Variants in CADM2 observed in about 807,000 individuals in gnomAD.
The protein encoded by CADM2 is cell adhesion molecule 2.
In CADM2, 12 loss-of-function variants were observed where a neutral mutation model predicts 49.8. The observed-to-expected ratio is 0.24, with a 90% CI of 0.15 to 0.39. The LOEUF (loss-of-function observed/expected upper bound fraction) is 0.39, where lower values mean the gene tolerates loss of function less well. Ranked by LOEUF, CADM2 falls within the 10% of genes least tolerant of loss-of-function variation. The probability of loss-of-function intolerance (pLI) is 1.00; values close to 1 mark genes in which losing one functional copy is unlikely to be tolerated. For synonymous variants in CADM2, 214 were observed against 175.4 expected (o/e 1.22, Z -1.74); for missense variants, 378 against 492.3 (o/e 0.77, Z 2.20).
chr3:85,127,572 A>G (rs533432250), intron 1 of CADM2, among the ~76,000 whole-genome samples: 1 of 152,348 alleles, frequency 6.6e-6, no homozygotes, highest in African/African-American at 2.4e-5. Context: ...TATGAATTTA[A>G]TAATTTATTT....
At chr3:85,694,703 C>A (rs1261943471) in intron 1 of CADM2, among the ~76,000 whole-genome samples, 1 of 152,164 alleles carries the variant, frequency 6.6e-6, no homozygotes, top group East Asian at 1.9e-4. Context: ...ACACTCCCAG[C>A]TGCCCCTGGG....
chr3:85,555,439 G>T (rs2061934350), intron 1 of CADM2, among the ~76,000 whole-genome samples: 2 of 152,160 alleles, frequency 1.3e-5, no homozygotes, highest in Admixed American at 6.5e-5. Context: ...ACAAGGAAAA[G>T]AAGCTGGGTA....
At chr3:84,963,119 A>C (rs1463364182) in intron 1 of CADM2, among the ~76,000 whole-genome samples, 1 of 152,186 alleles carries the variant, frequency 6.6e-6, no homozygotes, top group Non-Finnish European at 1.5e-5. Flanking sequence ...TATAACTTGG[A>C]ATGTAGGCTA....
intron 1 of CADM2, among the ~76,000 whole-genome samples, chr3:85,263,824 A>G (rs966371861): frequency 3.3e-5 from 5 of 152,108 alleles, no homozygotes; most frequent in Non-Finnish European, 5.9e-5. Flanking sequence ...TGAGATTTCA[A>G]AAAAATCAAG....
At chr3:85,559,559 A>G (rs1267356664) in intron 1 of CADM2, among the ~76,000 whole-genome samples, 1 of 151,960 alleles carries the variant, frequency 6.6e-6, no homozygotes, top group African/African-American at 2.4e-5. Flanking sequence ...TATAGTAAAT[A>G]TATTTTTACC....
chr3:85,533,796 G>A (rs1184392105), intron 1 of CADM2, among the ~76,000 whole-genome samples: 21 of 152,278 alleles, frequency 1.4e-4, no homozygotes. Flanking sequence ...CAGTTCAGAA[G>A]CCATGCACCA....
At chr3:85,929,356 T>A (rs1260909507) in intron 6 of CADM2, among the ~76,000 whole-genome samples, 1 of 151,986 alleles carries the variant, frequency 6.6e-6, no homozygotes, top group Non-Finnish European at 1.5e-5. Flanking sequence ...TGAACAACTA[T>A]GAACCAGAAG....
chr3:85,825,405 TG>T (rs1577407370), intron 3 of CADM2, among the ~76,000 whole-genome samples: 1 of 152,092 alleles, frequency 6.6e-6, no homozygotes, highest in African/African-American at 2.4e-5. Context: ...AATCAAAACG[TG>T]CAGCCACTAC....
chr3:85,013,399 C>G (rs2034090052), intron 1 of CADM2, among the ~76,000 whole-genome samples: 1 of 151,764 alleles, frequency 6.6e-6, no homozygotes. Flanking sequence ...TAAATTGAAT[C>G]AAATACTTAA....
chr3:85,560,917 G>A (rs1576805487), intron 1 of CADM2, among the ~76,000 whole-genome samples: 1 of 152,108 alleles, frequency 6.6e-6, no homozygotes, highest in African/African-American at 2.4e-5. Context: ...AATGAATTTA[G>A]TGATATCCCT....
chr3:85,704,802 C>G (rs544903752), intron 1 of CADM2, among the ~76,000 whole-genome samples: 74 of 151,848 alleles, frequency 4.9e-4, no homozygotes, highest in South Asian at 1.0e-3. Flanking sequence ...CAATCTCCTC[C>G]AGAATATATT....
chr3:85,669,874 C>T (rs1341751829), intron 1 of CADM2, among the ~76,000 whole-genome samples: 3 of 151,910 alleles, frequency 2.0e-5, no homozygotes, highest in South Asian at 2.1e-4. Flanking sequence ...TTATTGTTGT[C>T]GTTGTCGTTA....
chr3:85,954,201 C>T (rs541724552), intron 7 of CADM2, among the ~76,000 whole-genome samples: 11 of 150,864 alleles, frequency 7.3e-5, no homozygotes, highest in South Asian at 4.2e-4. Context: ...GGAGAAAACA[C>T]GGGTTGAGGT....
At chr3:85,086,171 A>T (rs1048631907) in intron 1 of CADM2, among the ~76,000 whole-genome samples, 4 of 152,178 alleles carry the variant, frequency 2.6e-5, no homozygotes, top group African/African-American at 9.7e-5. Flanking sequence ...ATACTAAGAT[A>T]CTGCTACTAA....
intron 1 of CADM2, among the ~76,000 whole-genome samples, chr3:85,713,302 C>T (rs2067175490): frequency 6.6e-6 from 1 of 151,980 alleles, no homozygotes; most frequent in South Asian, 2.1e-4. Flanking sequence ...CCCGCTGGCA[C>T]GTGGGACTAA....
chr3:85,275,090 G>A (rs550312737), intron 1 of CADM2, among the ~76,000 whole-genome samples: 100 of 151,636 alleles, frequency 6.6e-4, no homozygotes, highest in African/African-American at 2.3e-3. Flanking sequence ...GTATATTAAG[G>A]CCATTTTAAA....
chr3:85,049,211 C>A (rs1232581893), intron 1 of CADM2, among the ~76,000 whole-genome samples: 2 of 151,942 alleles, frequency 1.3e-5, no homozygotes, highest in Non-Finnish European at 2.9e-5. Context: ...AAGTCAAATT[C>A]CCTGGGTCTC....
intron 1 of CADM2, among the ~76,000 whole-genome samples, chr3:85,389,068 C>T (rs891390336): frequency 1.3e-5 from 2 of 152,044 alleles, no homozygotes; most frequent in Non-Finnish European, 2.9e-5. Flanking sequence ...AAAACAAAGT[C>T]TGTACATTCA....
intron 1 of CADM2, among the ~76,000 whole-genome samples, chr3:85,239,666 G>A (rs1412967408): frequency 2.6e-5 from 4 of 151,152 alleles, no homozygotes; most frequent in East Asian, 3.9e-4. Flanking sequence ...TATTAAAATA[G>A]GTTTTTTATA....
Sources: allele counts gnomAD v4.1 joint callset (sites outside exome capture counted in the v4.1 genomes callset), GRCh38; gene constraint gnomAD v4.1.1; transcripts MANE v1.5; gene names NCBI Gene and HGNC (gene_info 2026-07-23, HGNC 2026-07-21).